Variants in KAZN observed in about 807,000 individuals in gnomAD.
The protein encoded by KAZN is kazrin, periplakin interacting protein.
In KAZN, 40 loss-of-function variants were observed where a neutral mutation model predicts 87.4. The ratio of observed to expected loss-of-function variants is 0.46; its 90% confidence interval spans 0.36 to 0.60. The LOEUF (loss-of-function observed/expected upper bound fraction) is 0.60. Among genes scored for constraint, KAZN ranks in the 20% least tolerant of loss-of-function variants. The probability of loss-of-function intolerance (pLI) is 0.00; values close to 1 mark genes in which losing one functional copy is unlikely to be tolerated. For missense variants in KAZN, 898 were observed against 1,073.9 expected (o/e 0.84, Z 2.29); for synonymous variants, 466 against 458.3 (o/e 1.02, Z -0.22).
At chr1:14,982,539 C>T (rs1666361686) in intron 2 of KAZN, among the ~76,000 whole-genome samples, 1 of 150,034 alleles carries the variant, frequency 6.7e-6, no homozygotes, top group Non-Finnish European at 1.5e-5. Flanking sequence ...AGGCAATTCT[C>T]CTGCCTCAGC....
chr1:13,931,296 G>A (rs947057144), intron 1 of KAZN, among the ~76,000 whole-genome samples: 2 of 152,186 alleles, frequency 1.3e-5, no homozygotes, highest in African/African-American at 2.4e-5. Flanking sequence ...TTTGAAAACT[G>A]TAAACATAAA....
At chr1:13,925,711 G>A (rs1640245897) in intron 1 of KAZN, among the ~76,000 whole-genome samples, 1 of 152,216 alleles carries the variant, frequency 6.6e-6, no homozygotes, top group Admixed American at 6.5e-5. Context: ...GAAGTACCTT[G>A]ACTGACATAC....
intron 2 of KAZN, among the ~76,000 whole-genome samples, chr1:14,213,745 G>T (rs1646902921): frequency 6.6e-6 from 1 of 152,178 alleles, no homozygotes; most frequent in Non-Finnish European, 1.5e-5. Flanking sequence ...ATGTTGGGGG[G>T]AGACTAGTCT....
intron 1 of KAZN, among the ~76,000 whole-genome samples, chr1:14,793,920 G>A (rs1645755010): frequency 6.6e-6 from 1 of 152,164 alleles, no homozygotes; most frequent in African/African-American, 2.4e-5. Context: ...GCCTGTTAGG[G>A]GCCCCATGAA....
At chr1:14,597,656 C>A (rs1209853536), upstream of KAZN, among the ~76,000 whole-genome samples, 1 of 152,138 alleles carries the variant, frequency 6.6e-6, no homozygotes, top group Non-Finnish European at 1.5e-5. Context: ...CCTCGCAGCA[C>A]CCCACTGGCT....
In KAZN at chr1:14,774,894, T is replaced by C. The variant is rs530638510; in HGVS notation, c.226+175671T>C. ...GAAAGTTCCCTGACATCCCCTGCCATTGTCCCTTCTCCTTCGTTCACCTTA... is the reference window on the plus strand; with the variant it reads ...GAAAGTTCCCTGACATCCCCTGCCACTGTCCCTTCTCCTTCGTTCACCTTA... On this transcript the variant is annotated intron_variant, in intron 1 of 14. Coordinates refer to ENST00000376030, the MANE Select transcript of KAZN (RefSeq NM_201628.3). Among the ~76,000 whole-genome samples the C allele has an allele frequency of 1.5e-4, 23 of 152,322 alleles. No individual in the cohort carries two copies. In the East Asian group the frequency reaches 3.9e-3, roughly 26 times the overall value.
intron 1 of KAZN, among the ~76,000 whole-genome samples, chr1:14,179,191 G>C (rs987825450): frequency 1.3e-5 from 2 of 152,186 alleles, no homozygotes; most frequent in African/African-American, 4.8e-5. Context: ...TGGAGATCTA[G>C]GTGTAGCCCT....
chr1:15,018,040 C>T (rs1333891774), intron 2 of KAZN, among the ~76,000 whole-genome samples: 1 of 152,056 alleles, frequency 6.6e-6, no homozygotes, highest in Non-Finnish European at 1.5e-5. Context: ...TCCCTGGCTT[C>T]CCCCCAGCCT....
intron 1 of KAZN, among the ~76,000 whole-genome samples, chr1:14,911,996 A>C (rs1413734751): frequency 6.6e-6 from 1 of 152,004 alleles, no homozygotes; most frequent in Non-Finnish European, 1.5e-5. Context: ...TACTAAAAAT[A>C]CAAAAAATAG....
intron 4 of KAZN, 123 bp from the exon 5 acceptor site, chr1:15,055,968 A>G: frequency 2.2e-6 from 2 of 928,734 alleles, no homozygotes; most frequent in Non-Finnish European, 3.3e-6. Flanking sequence ...CTCGATGCCG[A>G]GCCAGCAATA....
intron 1 of KAZN, among the ~76,000 whole-genome samples, chr1:13,996,532 T>C (rs1639525522): frequency 6.6e-6 from 1 of 152,200 alleles, no homozygotes; most frequent in Non-Finnish European, 1.5e-5. Flanking sequence ...GGAGGCTGGA[T>C]GGCTTGGTCC....
In KAZN at chr1:15,008,865, C is replaced by T. The variant is rs191517585; in HGVS notation, c.419-25884C>T. The stretch of plus-strand genomic sequence containing the variant: ...CCCCTGCCAGCCACAGTCCTCAAGG[C>T]CTCTCCTGCATCCTCATCACTTAGT... On this transcript the variant is annotated intron_variant, in intron 2 of 14. Coordinates refer to ENST00000376030, the MANE Select transcript of KAZN (RefSeq NM_201628.3). 5.9e-5 allele frequency among the ~76,000 whole-genome samples: 9 copies of T among 152,338 alleles called. No individual in the cohort carries two copies. In the East Asian group the frequency reaches 1.7e-3, roughly 29 times the overall value.
intron 2 of KAZN, among the ~76,000 whole-genome samples, chr1:14,579,724 T>C (rs180837749): frequency 7.1e-4 from 108 of 152,128 alleles, no homozygotes; most frequent in Non-Finnish European, 1.2e-3. Context: ...AATCATCTGA[T>C]TCAGAACGAA....
At chr1:13,986,747 A>G (rs575113238) in intron 1 of KAZN, among the ~76,000 whole-genome samples, 1 of 152,184 alleles carries the variant, frequency 6.6e-6, no homozygotes. Context: ...GAAGCCAAGG[A>G]AGGATGGGTA....
chr1:14,940,553 G>C (rs1402710441), intron 1 of KAZN, among the ~76,000 whole-genome samples: 1 of 152,168 alleles, frequency 6.6e-6, no homozygotes, highest in Non-Finnish European at 1.5e-5. Context: ...GGGAGCACAG[G>C]GCTTCTTGCC....
chr1:14,872,998 A>AGATGGATG (rs1652329097), intron 1 of KAZN, among the ~76,000 whole-genome samples: 1 of 74,564 alleles, frequency 1.3e-5, no homozygotes, highest in African/African-American at 6.2e-5. Context: ...ATAGAAGGAT[A>AGATGGATG]CATGGATGGA....
Position 15,044,030 on chromosome 1 carries a change from C to A in KAZN, c.597C>A (p.Asp199Glu), listed in dbSNP as rs757322157. The part of the protein sequence containing the change: ...DAVKALAKEK[D>E]LLEREKWELR... ...TCAAAGCGCTGGCCAAGGAGAAGGA[C>A]CTGCTGGAGCGTGAGAAGTGGGAGC... The change falls in exon 4 of 15, where the codon GAC (aspartate) becomes GAA (glutamate). Residue 199 changes from aspartate (D) to glutamate (E), a missense_variant. By Grantham distance (45) the Asp-to-Glu change is conservative. Around this residue, in one of 3 missense-constraint regions of KAZN, gnomAD observed 521 missense variants for 689.4 expected, o/e 0.76. Transcript: ENST00000376030. 1.2e-6 allele frequency: 2 copies of A among 1,612,356 alleles called. No individual in the cohort carries two copies. The highest frequency in any genetic ancestry group is 1.7e-6 in the Non-Finnish European group (2 of 1,179,740).
At chr1:13,895,461 A>T (rs941303147) in intron 1 of KAZN, among the ~76,000 whole-genome samples, 5 of 152,004 alleles carry the variant, frequency 3.3e-5, no homozygotes, top group African/African-American at 9.7e-5. Context: ...CCTCTTTTTT[A>T]AAAAAACATC....
At chr1:14,713,797 A>AAAAAAAAAAAAAAGAAAGAAAG (rs1553215138) in intron 1 of KAZN, among the ~76,000 whole-genome samples, 1 of 95,646 alleles carries the variant, frequency 1.0e-5, no homozygotes, top group African/African-American at 4.2e-5. Context: ...AAAAAAAAAA[A>AAAAAAAAAAAAAAGAAAGAAAG]AAAGAAAGAA....
Sources: allele counts gnomAD v4.1 joint callset (sites outside exome capture counted in the v4.1 genomes callset), GRCh38; gene constraint gnomAD v4.1.1; regional missense constraint gnomAD v4.1.1; transcripts MANE v1.5; gene names NCBI Gene and HGNC (gene_info 2026-07-23, HGNC 2026-07-21).